CNTN1: variants seen among roughly 807,000 people sequenced by gnomAD.
CNTN1 encodes the protein contactin 1, also known as contactin-1.
A neutral mutation model predicts 126.4 loss-of-function variants in CNTN1; 38 were observed. The observed-to-expected ratio is 0.30, with a 90% CI of 0.23 to 0.39. CNTN1 has a LOEUF of 0.39. Among genes scored for constraint, CNTN1 ranks in the 10% least tolerant of loss-of-function variants. The pLI, the probability that CNTN1 is intolerant of heterozygous loss-of-function variation, is 1.00. For missense variants in CNTN1, 1,009 were observed against 1,248.4 expected, an observed-to-expected ratio of 0.81 and a Z score of 2.89; for synonymous variants, 413 against 422.6, an observed-to-expected ratio of 0.98 and a Z score of 0.28.
chr12:40,992,883 C>A (rs1435281525), intron 16 of CNTN1, among the ~76,000 whole-genome samples: 3 of 152,130 alleles, frequency 2.0e-5, no homozygotes, highest in Non-Finnish European at 2.9e-5. Context: ...AGACTCCCTG[C>A]CTCAAACTTA....
intron 1 of CNTN1, among the ~76,000 whole-genome samples, chr12:40,727,215 T>C (rs1942379830): frequency 6.9e-6 from 1 of 143,988 alleles, no homozygotes; most frequent in Non-Finnish European, 1.6e-5. Context: ...GACTCTAAGA[T>C]TGGGGCAAAA....
At chr12:41,025,016 T>G in intron 20 of CNTN1, 134 bp from the exon 21 acceptor site, 1 of 876,566 alleles carries the variant, frequency 1.1e-6, no homozygotes, top group South Asian at 1.3e-5. Context: ...GATAAAAGGG[T>G]AGATATCATT....
chr12:40,732,117 T>A (rs923520938), intron 1 of CNTN1, among the ~76,000 whole-genome samples: 1 of 152,034 alleles, frequency 6.6e-6, no homozygotes, highest in Non-Finnish European at 1.5e-5. Context: ...GAGAAATTGC[T>A]CATTAAACCA....
intron 6 of CNTN1, among the ~76,000 whole-genome samples, chr12:40,927,850 C>T (rs1428303409): frequency 1.3e-5 from 2 of 152,040 alleles, no homozygotes; most frequent in East Asian, 1.9e-4. Context: ...AATAACTTCT[C>T]GGATTTAGCA....
chr12:40,864,213 T>G (rs1943220849), intron 1 of CNTN1, among the ~76,000 whole-genome samples: 1 of 151,550 alleles, frequency 6.6e-6, no homozygotes, highest in Non-Finnish European at 1.5e-5. Context: ...AGACAGGGGG[T>G]TTCACCATGT....
At chr12:41,067,243 T>C (rs1376081883) in intron 23 of CNTN1, among the ~76,000 whole-genome samples, 2 of 152,196 alleles carry the variant, frequency 1.3e-5, no homozygotes, top group African/African-American at 4.8e-5. Context: ...GGAGAGTTTA[T>C]TTCAAATATC....
chr12:40,964,302 A>C (rs1223799935), intron 15 of CNTN1, among the ~76,000 whole-genome samples: 1 of 152,192 alleles, frequency 6.6e-6, no homozygotes, highest in Non-Finnish European at 1.5e-5. Context: ...CGACTTTGCT[A>C]TCTAAACTTT....
chr12:40,753,545 C>T (rs559034039), intron 1 of CNTN1, among the ~76,000 whole-genome samples: 5 of 152,124 alleles, frequency 3.3e-5, no homozygotes, highest in Admixed American at 2.6e-4. Flanking sequence ...AGAAGAAGTG[C>T]CAAGCAAGAG....
intron 23 of CNTN1, among the ~76,000 whole-genome samples, chr12:41,048,609 T>C (rs1949600343): frequency 6.6e-6 from 1 of 152,154 alleles, no homozygotes; most frequent in Admixed American, 6.6e-5. Context: ...TTTTTTCTAT[T>C]TGATTTTTCT....
chr12:41,022,232 C>T (rs1317093704), intron 20 of CNTN1, among the ~76,000 whole-genome samples: 1 of 151,978 alleles, frequency 6.6e-6, no homozygotes, highest in Non-Finnish European at 1.5e-5. Flanking sequence ...GGAACTAAAC[C>T]TTGATTAAGG....
At chr12:40,813,062 C>T (rs10879230) in intron 1 of CNTN1, among the ~76,000 whole-genome samples, 22,963 of 67,390 alleles carry the variant, frequency 0.34, 2,569 homozygotes, top group East Asian at 0.5. Flanking sequence ...TTTCTTTCTT[C>T]CTTCCTTCCT....
chr12:41,022,262 A>G (rs908301442), intron 20 of CNTN1, among the ~76,000 whole-genome samples: 1 of 152,204 alleles, frequency 6.6e-6, no homozygotes, highest in Non-Finnish European at 1.5e-5. Context: ...TAGTCAGTAA[A>G]AAGTAATCTT....
intron 1 of CNTN1, among the ~76,000 whole-genome samples, chr12:40,863,968 C>T (rs1943207367): frequency 7.2e-6 from 1 of 139,778 alleles, no homozygotes; most frequent in South Asian, 2.6e-4. Context: ...TCTCCTTCTC[C>T]TCCTTCTCCT....
At chr12:41,045,007 T>A (rs1480945708) in intron 23 of CNTN1, among the ~76,000 whole-genome samples, 1 of 152,076 alleles carries the variant, frequency 6.6e-6, no homozygotes, top group Non-Finnish European at 1.5e-5. Context: ...TCTTTTACAA[T>A]GATTTATATG....
At chr12:40,715,613 G>C (rs994621117) in intron 1 of CNTN1, among the ~76,000 whole-genome samples, 1 of 152,114 alleles carries the variant, frequency 6.6e-6, no homozygotes, top group Non-Finnish European at 1.5e-5. Context: ...AAATCTGTTA[G>C]GGTCTCAAGT....
intron 15 of CNTN1, among the ~76,000 whole-genome samples, chr12:40,960,104 G>A (rs1156662543): frequency 1.3e-5 from 2 of 151,790 alleles, no homozygotes; most frequent in African/African-American, 4.8e-5. Context: ...TCCTTCTCTT[G>A]ATGTCCCCAA....
intron 1 of CNTN1, among the ~76,000 whole-genome samples, chr12:40,693,358 G>C (rs1465625669): frequency 1.3e-5 from 2 of 152,134 alleles, no homozygotes; most frequent in African/African-American, 2.4e-5. Context: ...GATTTCCAGG[G>C]AGTCAAGTGA....
At chr12:40,804,176 A>G (rs1940757305) in intron 1 of CNTN1, among the ~76,000 whole-genome samples, 1 of 152,040 alleles carries the variant, frequency 6.6e-6, no homozygotes. Flanking sequence ...AAGACAGATC[A>G]GGTAAAAGCA....
At chr12:41,042,252 C>A (rs1341730405) in intron 23 of CNTN1, among the ~76,000 whole-genome samples, 2 of 151,956 alleles carry the variant, frequency 1.3e-5, no homozygotes, top group South Asian at 4.2e-4. Flanking sequence ...ATCCTGAGTT[C>A]TAGTTTGATT....
Sources: gnomAD v4.1 joint callset for allele counts (sites outside exome capture counted in the v4.1 genomes callset) on GRCh38, gnomAD v4.1.1 for gene constraint, MANE v1.5 for transcripts, NCBI Gene and HGNC (gene_info 2026-07-23, HGNC 2026-07-21) for gene names.